The following DYSF variants were observed in gnomAD, a reference collection of about 807,000 sequenced individuals.
DYSF encodes dysferlin.
Under a neutral mutation model 274.9 loss-of-function variants are expected in DYSF, and 212 were observed. The observed-to-expected ratio is 0.77, with a 90% CI of 0.69 to 0.86. The LOEUF is 0.86. Ranked by LOEUF, DYSF falls within the 40% of genes least tolerant of loss-of-function variation. The pLI is 0.00. For missense variants in DYSF, 2,666 were observed against 2,783.2 expected (o/e 0.96, Z 0.95); for synonymous variants, 1,091 against 1,078.7 (o/e 1.01, Z -0.22).
rs2086727535 is a variant in DYSF, at chr2:71,517,006, T to C, written c.969T>C (p.Ser323=). 1 of 1,614,100 alleles carries C rather than the reference T, an allele frequency of 6.2e-7. No homozygotes were observed. The highest frequency in any genetic ancestry group is 8.5e-7 in the Non-Finnish European group (1 of 1,180,044). ...PIFITVVDSR[S]LRTDALLGEF... ...CTCTGCAGGTGGTAGACTCTCGTTCTCTCAGGACAGATGCTCTCCTCGGGG... is the reference window on the plus strand; with the variant it reads ...CTCTGCAGGTGGTAGACTCTCGTTCCCTCAGGACAGATGCTCTCCTCGGGG... The change falls in exon 10 of 56, where the codon TCT becomes TCC. Residue 323 remains serine, a synonymous_variant. Transcript: ENST00000410020.
chr2:71,669,033 T>G, intron 49 of DYSF, 79 bp from the exon 50 acceptor site: 1 of 1,369,216 alleles, frequency 7.3e-7, no homozygotes, highest in South Asian at 1.2e-5. Context: ...CCAGTCTGCT[T>G]CTTGGCTTCT....
At chr2:71,577,767 C>CT (rs2092760329) in intron 30 of DYSF, among the ~76,000 whole-genome samples, 1 of 152,150 alleles carries the variant, frequency 6.6e-6, no homozygotes, top group Non-Finnish European at 1.5e-5. Context: ...TGCTGAGCTG[C>CT]TGTCTTTGTC....
intron 3 of DYSF, among the ~76,000 whole-genome samples, chr2:71,499,646 C>A (rs546949777): frequency 1.4e-4 from 21 of 152,316 alleles, no homozygotes; most frequent in Non-Finnish European, 2.9e-4. Context: ...GGAGGAAAAG[C>A]ATGTGCCCTG....
chr2:71,503,627 T>A (rs1020346684), intron 4 of DYSF, among the ~76,000 whole-genome samples: 2 of 152,132 alleles, frequency 1.3e-5, no homozygotes, highest in African/African-American at 4.8e-5. Context: ...TGGTCAGCCT[T>A]GGCTATAGCC....
rs1007658126 is a variant in DYSF, at chr2:71,456,922, T to C, written c.88+2836T>C. Among the ~76,000 whole-genome samples, 17 of 152,188 alleles carry C rather than the reference T, an allele frequency of 1.1e-4. 1 individual carries two copies. Among genetic ancestry groups the C allele is most frequent in the Admixed American group, 9.8e-4 (15 of 15,296 alleles). On this transcript the variant is annotated intron_variant, in intron 1 of 54. Coordinates refer to the DYSF transcript ENST00000258104. ...TGAGCCAGCCAGGGAGGGTGGTGCC[T>C]GGGGTCCCCAGCAAGAAGCTGAGTC... is the stretch of plus-strand genomic sequence containing the variant.
At chr2:71,545,419 C>A (rs114296573) in intron 17 of DYSF, among the ~76,000 whole-genome samples, 3,478 of 152,302 alleles carry the variant, frequency 0.023, 59 homozygotes, top group African/African-American at 0.052. Context: ...GCACTGCGAA[C>A]TTCCTCTTCC....
At chr2:71,594,080 C>T (rs2093344695) in intron 32 of DYSF, among the ~76,000 whole-genome samples, 1 of 152,214 alleles carries the variant, frequency 6.6e-6, no homozygotes, top group African/African-American at 2.4e-5. Context: ...ATGGTCCTGC[C>T]AGACCAGGCT....
At chr2:71,601,642 C>G in intron 35 of DYSF, 114 bp downstream of exon 35, 1 of 1,411,368 alleles carries the variant, frequency 7.1e-7, no homozygotes, top group Non-Finnish European at 1.0e-6. Context: ...GCCTCAAGCC[C>G]CCGGGGAAGC....
At chr2:71,483,111 G>A (rs992131477) in intron 3 of DYSF, among the ~76,000 whole-genome samples, 5 of 152,206 alleles carry the variant, frequency 3.3e-5, no homozygotes, top group Non-Finnish European at 5.9e-5. Context: ...TTCTCTCTGT[G>A]GCTGTGCTGG....
At chr2:71,682,780 C>G (rs1369686562) in intron 55 of DYSF, 103 bp downstream of exon 55, 9 of 1,487,762 alleles carry the variant, frequency 6.0e-6, no homozygotes, top group Non-Finnish European at 8.2e-6. Context: ...GAGAAGTAAC[C>G]TCTGTCCTTG....
At chr2:71,501,346 A>G (rs2084948928) in intron 3 of DYSF, among the ~76,000 whole-genome samples, 1 of 152,192 alleles carries the variant, frequency 6.6e-6, no homozygotes, top group African/African-American at 2.4e-5. Context: ...TTCAAGAAGG[A>G]TGGAAAAAGA....
chr2:71,476,876 A>G (rs1256959330), intron 1 of DYSF, among the ~76,000 whole-genome samples: 2 of 47,616 alleles, frequency 4.2e-5, no homozygotes, highest in Admixed American at 3.0e-4. Flanking sequence ...AATGACTGAC[A>G]AAACTATAGT....
At position 71,553,011 on chromosome 2, in the gene DYSF, A is replaced by T. The variant is rs755145066; in HGVS notation, c.1807A>T (p.Lys603Ter). 5 of 1,614,086 alleles carry T rather than the reference A, an allele frequency of 3.1e-6. No homozygotes were observed. In the South Asian group the frequency reaches 3.3e-5, roughly 11 times the overall value. ...LPADDILRVE[K>*]YLRRRKYSLF... Reference sequence around the variant, plus strand: ...CCTCTGGTCTACTCTCTGCTCTCAGAAGTACCTTAGGAGGCGCAAGTACTC... The same window carrying T: ...CCTCTGGTCTACTCTCTGCTCTCAGTAGTACCTTAGGAGGCGCAAGTACTC... Residue 603 changes from lysine to a stop codon, truncating the protein, a stop_gained and splice_region_variant, in exon 20 of 56, where the codon AAG (lysine) becomes TAG (stop). Transcript: ENST00000410020. LOFTEE classifies it high-confidence loss of function.
Position 71,612,711 on chromosome 2 carries a change from G to A in DYSF, c.4292G>A (p.Arg1431His), listed in dbSNP as rs768354800. The change falls in exon 39 of 56, where the codon CGC (arginine) becomes CAC (histidine). Residue 1431 changes from arginine to histidine, a missense_variant. Transcript: ENST00000410020. Reference sequence around the variant, plus strand: ...GTCATCGATAACCGCCAGTTTGGCCGCCGGCCTGTGGTGGGCCAGTGTACC... The same window carrying A: ...GTCATCGATAACCGCCAGTTTGGCCACCGGCCTGTGGTGGGCCAGTGTACC... ...VKVIDNRQFG[R>H]RPVVGQCTIR... The A allele has an allele frequency of 3.0e-5, 49 of 1,614,074 alleles. No individual in the cohort carries two copies. Among genetic ancestry groups the A allele is most frequent in the Non-Finnish European group, 4.0e-5 (47 of 1,180,052 alleles).
rs79899601 is a variant in DYSF at position 71,598,577 on chromosome 2, C to A, written c.3588C>A (p.Ile1196=). The A allele has an allele frequency of 6.2e-6, 10 of 1,614,204 alleles. No homozygotes were observed. The East Asian group carries it at 1.8e-4, about 29-fold the overall frequency. ...DKDSFSDPYA[I]VSFLHQSQKT... ...CGGCCCATGCAGATCCCTATGCCAT[C>A]GTCTCCTTCCTGCACCAGAGCCAGA... The change falls in exon 33 of 56, where the codon ATC becomes ATA. Residue 1196 remains isoleucine (I), a synonymous_variant. Transcript: ENST00000410020.
At chr2:71,627,168 T>A (rs1280587549) in intron 41 of DYSF, among the ~76,000 whole-genome samples, 1 of 151,846 alleles carries the variant, frequency 6.6e-6, no homozygotes, top group East Asian at 1.9e-4. Flanking sequence ...CCATTTTATT[T>A]CTTTTCTTCC....
chr2:71,671,227 T>C (rs1036799869), intron 51 of DYSF, among the ~76,000 whole-genome samples: 2 of 151,930 alleles, frequency 1.3e-5, no homozygotes, highest in African/African-American at 4.8e-5. Context: ...TGCTGTGGAG[T>C]GACTGGCAGA....
chr2:71,661,738 C>A (rs941599856), intron 45 of DYSF, among the ~76,000 whole-genome samples: 1 of 152,126 alleles, frequency 6.6e-6, no homozygotes, highest in Non-Finnish European at 1.5e-5. Context: ...CCTACTGTTC[C>A]GATGTCATCA....
intron 30 of DYSF, among the ~76,000 whole-genome samples, chr2:71,583,615 C>G (rs761306820): frequency 1.3e-5 from 2 of 152,218 alleles, no homozygotes; most frequent in Non-Finnish European, 2.9e-5. Context: ...TTTATAGATC[C>G]TGAGCCAGAA....
Sources: gnomAD v4.1 joint callset for allele counts (sites outside exome capture counted in the v4.1 genomes callset) on GRCh38, gnomAD v4.1.1 for gene constraint, MANE v1.5 for transcripts, NCBI Gene and HGNC (gene_info 2026-07-23, HGNC 2026-07-21) for gene names.